CHRDL1: variants seen among roughly 807,000 people sequenced by gnomAD.
CHRDL1 encodes chordin like 1.
A neutral mutation model predicts 40.9 loss-of-function variants in CHRDL1; 19 were observed. That is an observed-to-expected ratio of 0.46 (90% confidence interval 0.32 to 0.68). The LOEUF (loss-of-function observed/expected upper bound fraction) is 0.68, where lower values mean the gene tolerates loss of function less well. Among genes scored for constraint, CHRDL1 ranks in the 30% least tolerant of loss-of-function variants. The pLI is 0.03. For synonymous variants in CHRDL1, 136 were observed against 123.4 expected (o/e 1.10, Z -0.68); for missense variants, 329 against 352.1 (o/e 0.93, Z 0.53).
chrX:110,791,406 T>G (rs1210184784), intron 2 of CHRDL1, among the ~76,000 whole-genome samples: 1 of 111,635 alleles, frequency 9.0e-6, no homozygotes, highest in African/African-American at 3.3e-5. Context: ...CTCCTAAACG[T>G]GGCAGCAAGG....
chrX:110,749,211 C>A (rs749463396), intron 4 of CHRDL1, among the ~76,000 whole-genome samples: 1 of 111,339 alleles, frequency 9.0e-6, no homozygotes, highest in African/African-American at 3.3e-5. Flanking sequence ...CCTGAGGGCA[C>A]AATCTTGTGA....
rs184735954 is a variant in CHRDL1, at chrX:110,736,921, C to T, written c.302-15391G>A. ...CTAAGGTGATTATTGCTATTATCTA[C>T]AATTATAGATGAGGAAACAAAGGCT... On this transcript the variant is annotated intron_variant, in intron 4 of 11. Transcript: ENST00000372042. 3.1e-4 allele frequency among the ~76,000 whole-genome samples: 35 copies of T among 111,684 alleles called. No homozygotes were observed. The East Asian group carries it at 9.0e-3, about 29-fold the overall frequency.
chrX:110,719,523 A>G (rs138820549), intron 6 of CHRDL1, among the ~76,000 whole-genome samples: 100 of 110,718 alleles, frequency 9.0e-4, no homozygotes, highest in African/African-American at 2.8e-3. Context: ...TGATACAATA[A>G]TTTAAGGGCC....
chrX:110,684,992 A>G (rs1407014950), intron 9 of CHRDL1, among the ~76,000 whole-genome samples: 1 of 112,425 alleles, frequency 8.9e-6, no homozygotes, highest in Non-Finnish European at 1.9e-5. Context: ...CAGCTCTTCC[A>G]GAAAAATCGG....
chrX:110,688,292 C>A (rs765150071), intron 9 of CHRDL1, among the ~76,000 whole-genome samples: 25 of 111,207 alleles, frequency 2.2e-4, no homozygotes, highest in African/African-American at 7.5e-4. Context: ...ATGAAAGCTG[C>A]TACTATTCTT....
chrX:110,709,067 T>C (rs1169300983), intron 6 of CHRDL1, among the ~76,000 whole-genome samples: 1 of 112,424 alleles, frequency 8.9e-6, no homozygotes, highest in Non-Finnish European at 1.9e-5. Flanking sequence ...CCTACTTATG[T>C]GACTTTGGGC....
intron 9 of CHRDL1, among the ~76,000 whole-genome samples, chrX:110,685,286 T>C (rs926445764): frequency 9.0e-6 from 1 of 111,651 alleles, no homozygotes; most frequent in Non-Finnish European, 1.9e-5. Flanking sequence ...TGAGACAGGG[T>C]CTGGCTGTTG....
chrX:110,685,886 A>ATTTT (rs72389100), intron 9 of CHRDL1, among the ~76,000 whole-genome samples: 1,395 of 82,605 alleles, frequency 0.017, 36 homozygotes, highest in African/African-American at 0.066. Context: ...TTTTTAGCCA[A>ATTTT]TTTTTTTTTT....
intron 6 of CHRDL1, among the ~76,000 whole-genome samples, chrX:110,718,799 G>C (rs908546437): frequency 2.7e-5 from 3 of 111,813 alleles, no homozygotes; most frequent in African/African-American, 9.8e-5. Flanking sequence ...TTCCACGTTT[G>C]CTTATTATTT....
At chrX:110,691,778 A>C (rs1330634662) in intron 8 of CHRDL1, among the ~76,000 whole-genome samples, 1 of 111,943 alleles carries the variant, frequency 8.9e-6, no homozygotes, top group Non-Finnish European at 1.9e-5. Flanking sequence ...CAACCCACGT[A>C]AAGATTTCCA....
At chrX:110,788,628 C>A (rs2090052000) in intron 2 of CHRDL1, among the ~76,000 whole-genome samples, 1 of 111,818 alleles carries the variant, frequency 8.9e-6, no homozygotes, top group African/African-American at 3.3e-5. Context: ...TTTTAGAAAA[C>A]CCCTCTGTTT....
At chrX:110,741,091 C>T (rs1249437774) in intron 4 of CHRDL1, among the ~76,000 whole-genome samples, 1 of 111,594 alleles carries the variant, frequency 9.0e-6, no homozygotes, top group Non-Finnish European at 1.9e-5. Flanking sequence ...ATCCAATGTG[C>T]ACTGCCACTC....
At chrX:110,697,213 T>A (rs896008885) in intron 7 of CHRDL1, among the ~76,000 whole-genome samples, 1 of 110,809 alleles carries the variant, frequency 9.0e-6, no homozygotes, top group African/African-American at 3.3e-5. Flanking sequence ...CTAAAACAGT[T>A]CTTTTCCAGT....
At chrX:110,715,424 A>G in intron 6 of CHRDL1, among the ~76,000 whole-genome samples, 1 of 111,695 alleles carries the variant, frequency 9.0e-6, no homozygotes, top group Non-Finnish European at 1.9e-5. Flanking sequence ...CTTATAAACC[A>G]ATAACTCTGT....
At chrX:110,705,374 T>C (rs1182218432) in intron 6 of CHRDL1, among the ~76,000 whole-genome samples, 3 of 1,295 alleles carry the variant, frequency 2.3e-3, no homozygotes, top group African/African-American at 8.8e-3. Context: ...CATATATATA[T>C]ACACACAGAC....
At chrX:110,731,741 A>G (rs2071165169) in intron 4 of CHRDL1, among the ~76,000 whole-genome samples, 1 of 111,717 alleles carries the variant, frequency 9.0e-6, no homozygotes, top group Non-Finnish European at 1.9e-5. Flanking sequence ...TTCCATTTAC[A>G]TTAAATGTCC....
intron 2 of CHRDL1, among the ~76,000 whole-genome samples, chrX:110,776,322 T>TA (rs977316491): frequency 7.2e-5 from 8 of 111,504 alleles, no homozygotes; most frequent in Non-Finnish European, 1.1e-4. Context: ...AGTCTTTATT[T>TA]ATCATTTATT....
At chrX:110,727,411 G>A (rs763903084) in intron 4 of CHRDL1, among the ~76,000 whole-genome samples, 1 of 112,277 alleles carries the variant, frequency 8.9e-6, no homozygotes, top group African/African-American at 3.2e-5. Context: ...TTCATTTGAA[G>A]AAAGAGTTTG....
At chrX:110,751,884 C>T (rs2982577) in intron 4 of CHRDL1, among the ~76,000 whole-genome samples, 6,477 of 111,326 alleles carry the variant, frequency 0.058, 474 homozygotes, top group African/African-American at 0.2. Context: ...TTTCCATCAA[C>T]GGAAGAATGG....
Sources: gnomAD v4.1 joint callset for allele counts (sites outside exome capture counted in the v4.1 genomes callset) on GRCh38, gnomAD v4.1.1 for gene constraint, MANE v1.5 for transcripts, NCBI Gene and HGNC (gene_info 2026-07-23, HGNC 2026-07-21) for gene names.